DOCK1: variants seen among roughly 807,000 people sequenced by gnomAD.
The protein encoded by DOCK1 is dedicator of cytokinesis 1.
Under a neutral mutation model 262.7 loss-of-function variants are expected in DOCK1, and 138 were observed. The ratio of observed to expected loss-of-function variants is 0.53; its 90% CI spans 0.46 to 0.61. The LOEUF (loss-of-function observed/expected upper bound fraction) is 0.61. DOCK1 is among the 20% of genes least tolerant of loss of function. The pLI is 0.00. For synonymous variants in DOCK1, 866 were observed against 867.4 expected, an observed-to-expected ratio of 1.00 and a Z score of 0.03; for missense variants, 1,908 against 2,370.7, an observed-to-expected ratio of 0.80 and a Z score of 4.05.
intron 23 of DOCK1, 84 bp from the exon 24 acceptor site, chr10:127,106,147 C>T (rs1209716135): frequency 1.2e-5 from 16 of 1,327,702 alleles, no homozygotes; most frequent in South Asian, 5.5e-5. Context: ...AGTATTTCTG[C>T]GGTTCTTCTC....
intron 35 of DOCK1, among the ~76,000 whole-genome samples, chr10:127,377,817 G>A (rs1012226441): frequency 3.3e-5 from 5 of 151,598 alleles, no homozygotes; most frequent in Middle Eastern, 3.4e-3. Flanking sequence ...GCTTGAACTC[G>A]GGAGGCGGAG....
chr10:127,321,727 C>T (rs2062540485), intron 29 of DOCK1, among the ~76,000 whole-genome samples: 1 of 151,730 alleles, frequency 6.6e-6, no homozygotes, highest in African/African-American at 2.4e-5. Flanking sequence ...CCCCCCGCCG[C>T]CCCTGCTAAA....
Position 127,339,069 on chromosome 10 carries a change from C to A in DOCK1, c.3108C>A (p.Ala1036=). ...DMLNKKFLDQ[A]NFELQLWNNY... ...TGAACAAAAAATTTCTGGATCAAGCCAACTTTGAGCTACAGGTAAGAGAAG... is the reference window on the plus strand; with the variant it reads ...TGAACAAAAAATTTCTGGATCAAGCAAACTTTGAGCTACAGGTAAGAGAAG... The change falls in exon 30 of 52, where the codon GCC becomes GCA. Residue 1036 remains alanine (A), a synonymous_variant. Transcript: ENST00000623213. 6.4e-7 allele frequency: 1 copy of A among 1,574,786 alleles called. No individual in the cohort carries two copies.
At chr10:127,218,142 T>A (rs75075374) in intron 27 of DOCK1, among the ~76,000 whole-genome samples, 1 of 152,362 alleles carries the variant, frequency 6.6e-6, no homozygotes, top group African/African-American at 2.4e-5. Context: ...CTCATTAATC[T>A]AAGAGAATCC....
At chr10:127,302,760 G>T (rs1014314645) in intron 29 of DOCK1, among the ~76,000 whole-genome samples, 1 of 151,096 alleles carries the variant, frequency 6.6e-6, no homozygotes, top group Non-Finnish European at 1.5e-5. Flanking sequence ...GTGTGTGTGT[G>T]TGTGTGTGTG....
chr10:127,353,879 C>T (rs1246101704), intron 31 of DOCK1, among the ~76,000 whole-genome samples: 2 of 152,182 alleles, frequency 1.3e-5, no homozygotes, highest in African/African-American at 4.8e-5. Flanking sequence ...ACAGTGCGCT[C>T]TTCTGTAATC....
At chr10:126,969,117 T>C (rs1260154341) in intron 1 of DOCK1, among the ~76,000 whole-genome samples, 1 of 152,230 alleles carries the variant, frequency 6.6e-6, no homozygotes, top group Non-Finnish European at 1.5e-5. Flanking sequence ...GTGTTCACCA[T>C]GGACCCCATT....
chr10:127,033,233 G>C (rs1213096446), intron 18 of DOCK1, among the ~76,000 whole-genome samples: 1 of 147,112 alleles, frequency 6.8e-6, no homozygotes, highest in Admixed American at 6.8e-5. Flanking sequence ...AGCCCTACTC[G>C]TGCTGTGGGA....
chr10:127,327,688 T>A (rs564133980), intron 29 of DOCK1, among the ~76,000 whole-genome samples: 1 of 152,338 alleles, frequency 6.6e-6, no homozygotes, highest in East Asian at 1.9e-4. Flanking sequence ...CGCCATCTCT[T>A]GTATCTTTAC....
intron 27 of DOCK1, among the ~76,000 whole-genome samples, chr10:127,229,578 A>C (rs536429785): frequency 6.6e-6 from 1 of 152,204 alleles, no homozygotes; most frequent in African/African-American, 2.4e-5. Context: ...ACCTTTTTTA[A>C]GGCTGAACAG....
At chr10:127,423,607 G>C (rs2068639853) in intron 46 of DOCK1, among the ~76,000 whole-genome samples, 1 of 152,174 alleles carries the variant, frequency 6.6e-6, no homozygotes, top group Admixed American at 6.5e-5. Flanking sequence ...AATCCATACA[G>C]TCTCATATTA....
intron 1 of DOCK1, among the ~76,000 whole-genome samples, chr10:126,919,913 A>G (rs918279683): frequency 4.6e-5 from 7 of 152,220 alleles, no homozygotes; most frequent in Non-Finnish European, 7.3e-5. Flanking sequence ...GCAAAATGTC[A>G]TGAACTGCCT....
At chr10:126,924,546 G>A (rs1356474373) in intron 1 of DOCK1, among the ~76,000 whole-genome samples, 1 of 152,180 alleles carries the variant, frequency 6.6e-6, no homozygotes, top group African/African-American at 2.4e-5. Flanking sequence ...AAGGCAAACG[G>A]CCCTTGAAAC....
At chr10:127,063,066 C>T (rs1219608259) in intron 23 of DOCK1, among the ~76,000 whole-genome samples, 2 of 152,204 alleles carry the variant, frequency 1.3e-5, no homozygotes, top group East Asian at 1.9e-4. Context: ...GCGGTTTTCA[C>T]TGGGCTGACT....
At chr10:126,996,684 T>A (rs900692403) in intron 6 of DOCK1, 64 bp from the exon 7 acceptor site, 1 of 1,477,310 alleles carries the variant, frequency 6.8e-7, no homozygotes, top group Non-Finnish European at 9.0e-7. Flanking sequence ...TGGTGGAAGT[T>A]GTGCTAGAAA....
chr10:127,256,680 G>T (rs1590149115), intron 28 of DOCK1, among the ~76,000 whole-genome samples: 1 of 152,338 alleles, frequency 6.6e-6, no homozygotes, highest in Middle Eastern at 3.4e-3. Flanking sequence ...GCAGGGTAGA[G>T]CAGCTGGGTG....
chr10:126,956,189 G>A (rs1225636630), intron 1 of DOCK1, among the ~76,000 whole-genome samples: 2 of 152,242 alleles, frequency 1.3e-5, no homozygotes, highest in East Asian at 3.9e-4. Context: ...TGGGCCGCCT[G>A]TGCCTCAGAA....
chr10:127,217,759 C>T (rs1196395723), intron 27 of DOCK1, among the ~76,000 whole-genome samples: 1 of 152,104 alleles, frequency 6.6e-6, no homozygotes, highest in African/African-American at 2.4e-5. Context: ...AAATTCTTTG[C>T]CAAAGCCAAT....
intron 23 of DOCK1, 95 bp from the exon 24 acceptor site, chr10:127,106,136 C>A: frequency 8.0e-7 from 1 of 1,243,814 alleles, no homozygotes; most frequent in South Asian, 1.5e-5. Flanking sequence ...TTTCTCTTCT[C>A]AGTATTTCTG....
Sources: allele counts gnomAD v4.1 joint callset (sites outside exome capture counted in the v4.1 genomes callset), GRCh38; gene constraint gnomAD v4.1.1; transcripts MANE v1.5; gene names NCBI Gene and HGNC (gene_info 2026-07-23, HGNC 2026-07-21).